Variants in MIPOL1 observed in about 807,000 individuals in gnomAD.
The protein encoded by MIPOL1 is mirror-image polydactyly 1.
Under a neutral mutation model 60.9 loss-of-function variants are expected in MIPOL1, and 57 were observed. The observed-to-expected ratio is 0.94, with a 90% CI of 0.76 to 1.17. MIPOL1 has a LOEUF of 1.17. Ranked by LOEUF, MIPOL1 falls within the 50% of genes most tolerant of loss-of-function variation. The probability of loss-of-function intolerance (pLI) is 0.00; values close to 1 mark genes in which losing one functional copy is unlikely to be tolerated. For missense variants in MIPOL1, 551 were observed against 511.6 expected (o/e 1.08, Z -0.74); for synonymous variants, 179 against 168.8 (o/e 1.06, Z -0.47).
At chr14:37,319,722 A>G (rs1490204194) in intron 9 of MIPOL1, among the ~76,000 whole-genome samples, 1 of 152,138 alleles carries the variant, frequency 6.6e-6, no homozygotes, top group East Asian at 1.9e-4. Context: ...ATTTTTATAT[A>G]TGTGTGTTCC....
At chr14:37,273,241 A>G (rs981523238) in intron 6 of MIPOL1, among the ~76,000 whole-genome samples, 1 of 151,070 alleles carries the variant, frequency 6.6e-6, no homozygotes, top group Non-Finnish European at 1.5e-5. Context: ...TATATTATAT[A>G]AAATAAGAGG....
chr14:37,206,360 G>A (rs558827429), intron 1 of MIPOL1, among the ~76,000 whole-genome samples: 14 of 152,162 alleles, frequency 9.2e-5, no homozygotes, highest in African/African-American at 2.2e-4. Flanking sequence ...TGAGTGCACC[G>A]AAGTCAAGAA....
chr14:37,513,353 AGCT>A (rs773404019), intron 12 of MIPOL1, among the ~76,000 whole-genome samples: 41 of 152,250 alleles, frequency 2.7e-4, no homozygotes, highest in Non-Finnish European at 5.4e-4. Context: ...GTTTCTTTAG[AGCT>A]GATTTTATTA....
At chr14:37,339,983 TC>T (rs2153461440) in intron 9 of MIPOL1, among the ~76,000 whole-genome samples, 1 of 152,322 alleles carries the variant, frequency 6.6e-6, no homozygotes, top group African/African-American at 2.4e-5. Flanking sequence ...CTCTATGTAA[TC>T]TTACCTGAAA....
rs561582730 is a variant in MIPOL1, at chr14:37,494,971, G to T, written c.1032-4937G>T. 6.6e-5 allele frequency among the ~76,000 whole-genome samples: 10 copies of T among 152,040 alleles called. No homozygotes were observed. In the South Asian group the frequency reaches 2.1e-3, roughly 32 times the overall value. On this transcript the variant is annotated intron_variant, in intron 11 of 12. Coordinates refer to ENST00000684589, the MANE Select transcript of MIPOL1 (RefSeq NM_001388067.1). ...CATCTGAGAGAAAAATCAAAATCAG[G>T]TATAAATTTGCCCCCTAAAAATTAA...
At chr14:37,361,827 T>A (rs545651501) in intron 9 of MIPOL1, among the ~76,000 whole-genome samples, 1 of 152,196 alleles carries the variant, frequency 6.6e-6, no homozygotes, top group South Asian at 2.1e-4. Context: ...CAGGATGGTC[T>A]CAATCTCCTG....
intron 3 of MIPOL1, among the ~76,000 whole-genome samples, chr14:37,258,639 A>G (rs930821008): frequency 6.6e-5 from 10 of 152,168 alleles, no homozygotes; most frequent in Non-Finnish European, 1.5e-4. Flanking sequence ...AGTTAATTAT[A>G]TAGCCTAAGC....
intron 6 of MIPOL1, chr14:37,277,671 A>G (rs2083781680): frequency 1.3e-5 from 2 of 151,490 alleles, no homozygotes; most frequent in East Asian, 1.9e-4. Flanking sequence ...TGCTGAGTGT[A>G]TAAATTTACA....
intron 9 of MIPOL1, among the ~76,000 whole-genome samples, chr14:37,330,098 T>G (rs895950800): frequency 6.6e-6 from 1 of 152,120 alleles, no homozygotes; most frequent in Non-Finnish European, 1.5e-5. Flanking sequence ...ATAAGCCAAA[T>G]CAGACCTTTT....
At chr14:37,214,441 C>T (rs1967233593) in intron 1 of MIPOL1, among the ~76,000 whole-genome samples, 1 of 152,128 alleles carries the variant, frequency 6.6e-6, no homozygotes, top group African/African-American at 2.4e-5. Flanking sequence ...TTGCAAGCCT[C>T]ATTGTGGGCG....
chr14:37,414,470 G>A lies in MIPOL1; in HGVS notation c.937-8385G>A, dbSNP rs527687672. Among the ~76,000 whole-genome samples, 4 of 152,246 alleles carry A rather than the reference G, an allele frequency of 2.6e-5. No individual in the cohort carries two copies. The East Asian group carries it at 7.7e-4, about 29-fold the overall frequency. ...CATGTGTATCATGTTTGTCAGCCAT[G>A]TAGATATCTTCCCTTGTGAAATATC... is the stretch of plus-strand genomic sequence containing the variant. On this transcript the variant is annotated intron_variant, in intron 10 of 12. Coordinates refer to ENST00000684589, the MANE Select transcript of MIPOL1 (RefSeq NM_001388067.1).
chr14:37,218,939 A>AG (rs1567031464), intron 1 of MIPOL1, among the ~76,000 whole-genome samples: 1 of 151,674 alleles, frequency 6.6e-6, no homozygotes, highest in African/African-American at 2.4e-5. Context: ...AAAAAAAAAA[A>AG]AAAGAAAAAA....
intron 12 of MIPOL1, among the ~76,000 whole-genome samples, chr14:37,539,394 T>C (rs746408355): frequency 3.9e-5 from 6 of 152,154 alleles, no homozygotes; most frequent in Non-Finnish European, 7.4e-5. Flanking sequence ...TATTAGTGGG[T>C]GAGCCTTTTG....
intron 11 of MIPOL1, among the ~76,000 whole-genome samples, chr14:37,464,372 A>G (rs1360546397): frequency 6.6e-6 from 1 of 152,234 alleles, no homozygotes; most frequent in African/African-American, 2.4e-5. Context: ...AATGTGGTAT[A>G]TATACACTAT....
intron 9 of MIPOL1, among the ~76,000 whole-genome samples, chr14:37,317,840 A>T (rs1215120607): frequency 6.6e-6 from 1 of 152,204 alleles, no homozygotes; most frequent in African/African-American, 2.4e-5. Flanking sequence ...TAAATGATAC[A>T]TATTTTATCA....
At chr14:37,206,210 C>G (rs745469770) in intron 1 of MIPOL1, among the ~76,000 whole-genome samples, 2 of 152,122 alleles carry the variant, frequency 1.3e-5, no homozygotes, top group African/African-American at 4.8e-5. Flanking sequence ...CTTAGGGTCC[C>G]CATGCTATGT....
At chr14:37,203,918 G>A (rs1965684626) in intron 1 of MIPOL1, among the ~76,000 whole-genome samples, 1 of 152,084 alleles carries the variant, frequency 6.6e-6, no homozygotes. Context: ...AAGTAGCTGG[G>A]ACTGCAGGCA....
At chr14:37,408,063 G>A (rs931467783) in intron 10 of MIPOL1, among the ~76,000 whole-genome samples, 26 of 151,090 alleles carry the variant, frequency 1.7e-4, no homozygotes, top group African/African-American at 6.1e-4. Flanking sequence ...TGTGGAGACA[G>A]GCTCTTACTA....
intron 11 of MIPOL1, among the ~76,000 whole-genome samples, chr14:37,487,566 A>G (rs945046215): frequency 6.6e-6 from 1 of 152,028 alleles, no homozygotes; most frequent in Non-Finnish European, 1.5e-5. Flanking sequence ...TTAGACTTGG[A>G]AAGGTGTATG....
Sources: gnomAD v4.1 joint callset for allele counts (sites outside exome capture counted in the v4.1 genomes callset) on GRCh38, gnomAD v4.1.1 for gene constraint, MANE v1.5 for transcripts, NCBI Gene and HGNC (gene_info 2026-07-23, HGNC 2026-07-21) for gene names.